The following FBXL17 variants were observed in gnomAD, a reference collection of about 807,000 sequenced individuals.
FBXL17 encodes F-box and leucine rich repeat protein 17, also known as F-box/LRR-repeat protein 17.
Under a neutral mutation model 66.2 loss-of-function variants are expected in FBXL17, and 22 were observed. The observed-to-expected ratio is 0.33, with a 90% confidence interval of 0.24 to 0.47. The LOEUF is 0.47. FBXL17 is among the 20% of genes least tolerant of loss of function. The probability of loss-of-function intolerance (pLI) is 1.00; values close to 1 mark genes in which losing one functional copy is unlikely to be tolerated. For missense variants in FBXL17, 878 were observed against 948.2 expected, an observed-to-expected ratio of 0.93 and a Z score of 0.97; for synonymous variants, 474 against 400.5, an observed-to-expected ratio of 1.18 and a Z score of -2.19.
chr5:108,348,849 G>A (rs1250962519), intron 3 of FBXL17, among the ~76,000 whole-genome samples: 13 of 152,130 alleles, frequency 8.5e-5, no homozygotes, highest in Non-Finnish European at 1.9e-4. Context: ...GTGTCGCCCA[G>A]GCTAGAGTGC....
intron 4 of FBXL17, among the ~76,000 whole-genome samples, chr5:108,296,483 G>A (rs1344919765): frequency 2.0e-5 from 3 of 151,530 alleles, no homozygotes; most frequent in African/African-American, 7.3e-5. Context: ...TTTATGTTTA[G>A]AAAGTACAAC....
chr5:107,924,347 T>C (rs1398692306), intron 7 of FBXL17, among the ~76,000 whole-genome samples: 1 of 152,224 alleles, frequency 6.6e-6, no homozygotes, highest in Admixed American at 6.5e-5. Flanking sequence ...CAGAGAGCCA[T>C]ATACATTTCT....
In FBXL17 at chr5:107,928,814, T is replaced by C. The variant is rs113969186; in HGVS notation, c.1823-47635A>G. ...ACCTACAATTACACAATTATCAGTG[T>C]CTCTAAGTGTAAGCAGCCATTTGTA... is the stretch of plus-strand genomic sequence containing the variant. On this transcript the variant is annotated intron_variant, in intron 7 of 8. Transcript: ENST00000542267. 3.0e-3 allele frequency among the ~76,000 whole-genome samples: 458 copies of C among 152,266 alleles called. 2 individuals carry two copies. Among genetic ancestry groups the C allele is most frequent in the African/African-American group, 0.01 (428 of 41,558 alleles).
At chr5:107,982,561 T>C (rs1012033212) in intron 7 of FBXL17, among the ~76,000 whole-genome samples, 1 of 152,212 alleles carries the variant, frequency 6.6e-6, no homozygotes, top group Non-Finnish European at 1.5e-5. Context: ...TGCAACCATT[T>C]GCTAAAGGTG....
At chr5:107,893,872 G>T (rs1260066298) in intron 7 of FBXL17, among the ~76,000 whole-genome samples, 1 of 152,170 alleles carries the variant, frequency 6.6e-6, no homozygotes, top group Non-Finnish European at 1.5e-5. Flanking sequence ...TTGCAGTGAT[G>T]AATCACATAA....
intron 6 of FBXL17, among the ~76,000 whole-genome samples, chr5:108,024,130 G>C (rs1754704640): frequency 1.3e-5 from 2 of 152,078 alleles, no homozygotes; most frequent in South Asian, 4.1e-4. Context: ...CTATGGATCA[G>C]TAGGTTCAAA....
intron 6 of FBXL17, among the ~76,000 whole-genome samples, chr5:108,137,653 T>C (rs972955198): frequency 3.3e-5 from 5 of 152,190 alleles, no homozygotes; most frequent in African/African-American, 4.8e-5. Context: ...TTGTGAATTA[T>C]ATATTTCAAG....
At chr5:107,980,664 A>ATATTTTTTTTTTTTTTTT in intron 7 of FBXL17, among the ~76,000 whole-genome samples, 1 of 62,106 alleles carries the variant, frequency 1.6e-5, no homozygotes, top group Admixed American at 1.7e-4. Flanking sequence ...ATATATATAT[A>ATATTTTTTTTTTTTTTTT]TTTTTTTTTT....
At chr5:108,031,498 G>T (rs1182113481) in intron 6 of FBXL17, among the ~76,000 whole-genome samples, 2 of 151,942 alleles carry the variant, frequency 1.3e-5, no homozygotes, top group Non-Finnish European at 2.9e-5. Flanking sequence ...TATCATAGGA[G>T]TTAAAAAAAT....
chr5:108,037,936 G>A (rs1252391516), intron 6 of FBXL17, among the ~76,000 whole-genome samples: 1 of 151,994 alleles, frequency 6.6e-6, no homozygotes, highest in Admixed American at 6.6e-5. Context: ...ATTTAAACAA[G>A]CCTCTAATTT....
intron 6 of FBXL17, among the ~76,000 whole-genome samples, chr5:108,103,251 A>C (rs1395768066): frequency 1.3e-5 from 2 of 152,222 alleles, no homozygotes; most frequent in African/African-American, 4.8e-5. Context: ...AATTATGCAA[A>C]AGGTAACCTG....
chr5:108,093,185 GTAAT>G (rs916316856), intron 6 of FBXL17, among the ~76,000 whole-genome samples: 13 of 151,086 alleles, frequency 8.6e-5, no homozygotes. Flanking sequence ...ATAAAAGCTG[GTAAT>G]TAGTTTACTA....
chr5:107,867,589 G>A (rs907693186), intron 8 of FBXL17, among the ~76,000 whole-genome samples: 7 of 152,378 alleles, frequency 4.6e-5, no homozygotes, highest in Admixed American at 2.6e-4. Context: ...GAAATTTTGT[G>A]ACATTTAAGC....
intron 4 of FBXL17, among the ~76,000 whole-genome samples, chr5:108,342,814 TAACTTGTATCA>T (rs1212772853): frequency 9.2e-5 from 14 of 152,300 alleles, no homozygotes; most frequent in Non-Finnish European, 1.9e-4. Flanking sequence ...CAATAAAAGA[TAACTTGTATCA>T]AACATTTTCT....
intron 4 of FBXL17, among the ~76,000 whole-genome samples, chr5:108,282,852 T>C (rs944966189): frequency 6.6e-6 from 1 of 151,312 alleles, no homozygotes; most frequent in Non-Finnish European, 1.5e-5. Flanking sequence ...AGTGCTTCTA[T>C]ATATCAACAA....
chr5:108,178,318 G>T (rs1178730508), intron 6 of FBXL17, among the ~76,000 whole-genome samples: 1 of 152,100 alleles, frequency 6.6e-6, no homozygotes, highest in Admixed American at 6.6e-5. Context: ...AAAGTGCTGA[G>T]ATAAGAGGTG....
chr5:107,880,104 T>A, intron 8 of FBXL17: 1 of 217,440 alleles, frequency 4.6e-6, no homozygotes, highest in Non-Finnish European at 7.8e-6. Flanking sequence ...TCGTGCTCCG[T>A]CATCCAGGCT....
At chr5:108,194,515 C>T (rs1488489074) in intron 5 of FBXL17, among the ~76,000 whole-genome samples, 1 of 152,142 alleles carries the variant, frequency 6.6e-6, no homozygotes, top group African/African-American at 2.4e-5. Flanking sequence ...TTCCTTCCTG[C>T]TACAACTACT....
chr5:107,918,475 A>C (rs1381745669), intron 7 of FBXL17, among the ~76,000 whole-genome samples: 1 of 152,196 alleles, frequency 6.6e-6, no homozygotes, highest in South Asian at 2.1e-4. Flanking sequence ...ATAGACAGAA[A>C]ACTTGAGTAG....
Sources: allele counts gnomAD v4.1 joint callset (sites outside exome capture counted in the v4.1 genomes callset), GRCh38; gene constraint gnomAD v4.1.1; transcripts MANE v1.5; gene names NCBI Gene and HGNC (gene_info 2026-07-23, HGNC 2026-07-21).